The following MICAL2 variants were observed in gnomAD, a reference collection of about 807,000 sequenced individuals.
MICAL2 encodes the protein [F-actin]-monooxygenase MICAL2.
MICAL2 carries 77 observed loss-of-function variants against 127.3 expected under a neutral mutation model. That is an observed-to-expected ratio of 0.60 (90% confidence interval 0.50 to 0.73). The LOEUF (loss-of-function observed/expected upper bound fraction) is 0.73. Ranked by LOEUF, MICAL2 falls within the 30% of genes least tolerant of loss-of-function variation. The probability of loss-of-function intolerance (pLI) is 0.00; values close to 1 mark genes in which losing one functional copy is unlikely to be tolerated. For synonymous variants in MICAL2, 570 were observed against 551.1 expected (o/e 1.03, Z -0.48); for missense variants, 1,351 against 1,434.4 (o/e 0.94, Z 0.94).
intron 25 of MICAL2, 125 bp downstream of exon 25, chr11:12,258,681 G>A: frequency 1.2e-6 from 1 of 812,444 alleles, no homozygotes; most frequent in Admixed American, 2.6e-5. Context: ...AGATAAAGAA[G>A]AAAGCCTCTG....
At chr11:12,132,633 C>T (rs1174778352) in intron 1 of MICAL2, among the ~76,000 whole-genome samples, 1 of 152,218 alleles carries the variant, frequency 6.6e-6, no homozygotes, top group Non-Finnish European at 1.5e-5. Context: ...ATTATGAAGC[C>T]TGTGTCCTGT....
intron 21 of MICAL2, among the ~76,000 whole-genome samples, chr11:12,244,959 G>A (rs890159656): frequency 1.3e-5 from 2 of 152,242 alleles, no homozygotes; most frequent in African/African-American, 4.8e-5. Flanking sequence ...TCAGCCTGGA[G>A]GATGAGAAGA....
At chr11:12,327,025 G>A (rs1211401204) in intron 31 of MICAL2, 2 of 693,622 alleles carry the variant, frequency 2.9e-6, no homozygotes, top group Non-Finnish European at 5.1e-6. Flanking sequence ...TAGTTGTCTG[G>A]GAATTCAGAG....
Position 12,183,957 on chromosome 11 carries a change from C to T in MICAL2, c.265-20293C>T, listed in dbSNP as rs539681960. Reference sequence around the variant, plus strand: ...ACTATGTTTGCCTAATTTTTGTGTGCTTTTGCAGAGATGGGTTTTGCCATG... The same window carrying T: ...ACTATGTTTGCCTAATTTTTGTGTGTTTTTGCAGAGATGGGTTTTGCCATG... On this transcript the variant is annotated intron_variant, in intron 3 of 27. Transcript: ENST00000683283. 5.9e-5 allele frequency among the ~76,000 whole-genome samples: 9 copies of T among 152,180 alleles called. No homozygotes were observed. The South Asian group carries it at 1.7e-3, about 28-fold the overall frequency.
chr11:12,294,221 C>T (rs761654112), downstream of MICAL2: 2 of 1,614,070 alleles, frequency 1.2e-6, no homozygotes, highest in East Asian at 2.2e-5. Context: ...GCGAAACGTG[C>T]CTCCACCCAA....
chr11:12,212,423 C>T (rs1470624434), intron 6 of MICAL2, among the ~76,000 whole-genome samples: 1 of 152,080 alleles, frequency 6.6e-6, no homozygotes, highest in Non-Finnish European at 1.5e-5. Context: ...CTGCAGTGAG[C>T]CATGATTGGC....
intron 1 of MICAL2, chr11:12,276,408 A>G (rs182305260): frequency 1.1e-3 from 391 of 357,510 alleles, no homozygotes; most frequent in Middle Eastern, 7.2e-3. Context: ...AGTGTTAGCA[A>G]TTGTTATTTT....
intron 16 of MICAL2, 122 bp downstream of exon 16, chr11:12,236,367 C>A: frequency 1.2e-6 from 1 of 847,648 alleles, no homozygotes; most frequent in Non-Finnish European, 2.0e-6. Context: ...CCACTGGGTT[C>A]CAAGCTTGGC....
At chr11:12,332,157 C>A (rs750310787) in intron 32 of MICAL2, among the ~76,000 whole-genome samples, 1 of 152,200 alleles carries the variant, frequency 6.6e-6, no homozygotes, top group African/African-American at 2.4e-5. Flanking sequence ...CTCTGACACT[C>A]TGCCACAATT....
At chr11:12,208,690 T>A (rs558151277) in intron 5 of MICAL2, among the ~76,000 whole-genome samples, 2 of 152,358 alleles carry the variant, frequency 1.3e-5, no homozygotes, top group Non-Finnish European at 2.9e-5. Context: ...TTTTAGCATG[T>A]TTGTTTAAAT....
At position 12,127,691 on chromosome 11, in the gene MICAL2, T is replaced by C. The variant is rs573716047; in HGVS notation, c.-148-10699T>C. ...CCCACAGTTGATCCTCTTCGACCTGTTGGGGGTCTTTGACTAGGCAGTAGG... is the reference window on the plus strand; with the variant it reads ...CCCACAGTTGATCCTCTTCGACCTGCTGGGGGTCTTTGACTAGGCAGTAGG... On this transcript the variant is annotated intron_variant, in intron 1 of 27. Transcript: ENST00000683283. Among the ~76,000 whole-genome samples the C allele has an allele frequency of 3.9e-5, 6 of 152,230 alleles. No individual in the cohort carries two copies. The South Asian group carries it at 1.2e-3, about 32-fold the overall frequency.
intron 2 of MICAL2, among the ~76,000 whole-genome samples, chr11:12,283,932 T>C (rs996305706): frequency 1.3e-5 from 2 of 152,208 alleles, no homozygotes; most frequent in African/African-American, 4.8e-5. Flanking sequence ...GATTCCCAGG[T>C]TCTCACCATC....
chr11:12,219,528 C>CAAAAA (rs11316414), intron 8 of MICAL2, among the ~76,000 whole-genome samples: 4 of 48,626 alleles, frequency 8.2e-5, no homozygotes, highest in Non-Finnish European at 1.1e-4. Flanking sequence ...AACTCCATCT[C>CAAAAA]AAAAAAAAAA....
At chr11:12,278,450 T>C (rs1863741999) in intron 1 of MICAL2, among the ~76,000 whole-genome samples, 2 of 152,212 alleles carry the variant, frequency 1.3e-5, no homozygotes, top group Admixed American at 6.5e-5. Flanking sequence ...GCGGCGTAAA[T>C]AGGTGATAGG....
At chr11:12,152,919 A>G (rs2133735633) in intron 2 of MICAL2, among the ~76,000 whole-genome samples, 1 of 151,666 alleles carries the variant, frequency 6.6e-6, no homozygotes, top group Admixed American at 6.6e-5. Context: ...GCTCCCACTT[A>G]TAGAAGGTGG....
rs147611377 is a variant in MICAL2 at position 12,255,644 on chromosome 11, T to G, written c.2849T>G (p.Leu950Arg). 3.7e-4 allele frequency: 605 copies of G among 1,613,976 alleles called. No homozygotes were observed. Among genetic ancestry groups the G allele is most frequent in the Non-Finnish European group, 4.9e-4 (576 of 1,179,994 alleles). The change falls in exon 23 of 28, where the codon CTG (leucine) becomes CGG (arginine). Residue 950 changes from leucine (L) to arginine (R), a missense_variant and splice_region_variant. Leu to Arg is a moderately radical substitution (Grantham distance 102). Coordinates refer to ENST00000683283, the MANE Select transcript of MICAL2 (RefSeq NM_001282663.2). Reference protein sequence around the residue: ...PSHLRTVHPQLTVGKVSSGIG... With the variant: ...PSHLRTVHPQRTVGKVSSGIG... ...TCCTCTGCCTCTGCTCTTGGTTAGC[T>G]GACGGTAGGGAAAGTGTCCAGCGGA...
chr11:12,318,205 G>C (rs921792300), intron 29 of MICAL2, among the ~76,000 whole-genome samples: 1 of 152,168 alleles, frequency 6.6e-6, no homozygotes, highest in Non-Finnish European at 1.5e-5. Context: ...CTGCAAGTTA[G>C]AAATCATGAT....
intron 1 of MICAL2, among the ~76,000 whole-genome samples, chr11:12,277,134 C>T (rs565734346): frequency 4.6e-5 from 7 of 152,058 alleles, no homozygotes; most frequent in African/African-American, 1.2e-4. Context: ...TTGGTGGGCT[C>T]GCCTGTGTGT....
At chr11:12,123,989 G>C (rs1478238136) in intron 1 of MICAL2, among the ~76,000 whole-genome samples, 1 of 152,158 alleles carries the variant, frequency 6.6e-6, no homozygotes, top group African/African-American at 2.4e-5. Flanking sequence ...TATGAGCTTT[G>C]CTGGCAGCAG....
Sources: allele counts gnomAD v4.1 joint callset (sites outside exome capture counted in the v4.1 genomes callset), GRCh38; gene constraint gnomAD v4.1.1; transcripts MANE v1.5; gene names NCBI Gene and HGNC (gene_info 2026-07-23, HGNC 2026-07-21).